The following GNL3L variants were observed in gnomAD, a reference collection of about 807,000 sequenced individuals.
The protein encoded by GNL3L is G protein nucleolar 3 like, also known as guanine nucleotide-binding protein-like 3-like protein.
A neutral mutation model predicts 42.9 loss-of-function variants in GNL3L; 4 were observed. That is an observed-to-expected ratio of 0.09 (90% CI 0.05 to 0.21). The LOEUF is 0.21. GNL3L is among the 10% of genes least tolerant of loss of function. The pLI is 1.00. For missense variants in GNL3L, 412 were observed against 481.7 expected (o/e 0.86, Z 1.36); for synonymous variants, 159 against 176.3 (o/e 0.90, Z 0.78).
intron 16 of GNL3L, among the ~76,000 whole-genome samples, chrX:54,580,699 G>A (rs1925703363): frequency 8.9e-6 from 1 of 112,092 alleles, no homozygotes; most frequent in Non-Finnish European, 1.9e-5. Flanking sequence ...ATTCTAACTG[G>A]TGTGAGATGG....
rs749290101 is a variant in GNL3L at position 54,551,558 on chromosome X, C to T, written c.864-10C>T. On this transcript the variant is annotated splice_polypyrimidine_tract_variant and intron_variant, in intron 10 of 15. Transcript: ENST00000360845. ...CAGGTACATCTGGGCTTTCTTCTTCCCCGCCCCAGATTCATGCAGGAGGTC... is the reference window on the plus strand; with the variant it reads ...CAGGTACATCTGGGCTTTCTTCTTCTCCGCCCCAGATTCATGCAGGAGGTC... The T allele has an allele frequency of 1.7e-6, 2 of 1,205,035 alleles. No homozygotes were observed. The highest frequency in any genetic ancestry group is 3.0e-5 in the East Asian group (1 of 33,762).
intron 14 of GNL3L, among the ~76,000 whole-genome samples, chrX:54,558,219 T>C (rs1925154657): frequency 9.0e-6 from 1 of 110,832 alleles, no homozygotes; most frequent in African/African-American, 3.3e-5. Flanking sequence ...CCATGCAAAC[T>C]ACCCCTTATC....
At chrX:54,612,040 A>G (rs1210260875) in intron 16 of GNL3L, among the ~76,000 whole-genome samples, 1 of 111,476 alleles carries the variant, frequency 9.0e-6, no homozygotes, top group Non-Finnish European at 1.9e-5. Flanking sequence ...CCCCACTATT[A>G]TTTGTTGCTG....
At chrX:54,582,899 C>T (rs769893631) in intron 16 of GNL3L, among the ~76,000 whole-genome samples, 40 of 112,111 alleles carry the variant, frequency 3.6e-4, no homozygotes, top group African/African-American at 1.2e-3. Context: ...TTGCATTTCT[C>T]TAATGGCTAA....
intron 2 of GNL3L, among the ~76,000 whole-genome samples, chrX:54,534,538 C>A (rs573757595): frequency 9.0e-5 from 10 of 111,265 alleles, no homozygotes; most frequent in African/African-American, 2.9e-4. Context: ...GAGGGATTAG[C>A]GAATACAGAG....
At chrX:54,552,176 A>T in intron 12 of GNL3L, 116 bp from the exon 13 acceptor site, 1 of 850,991 alleles carries the variant, frequency 1.2e-6, no homozygotes, top group Non-Finnish European at 1.7e-6. Context: ...TTCAGAAGCC[A>T]CTGTCTGGGT....
intron 9 of GNL3L, among the ~76,000 whole-genome samples, chrX:54,548,975 G>GC (rs1382676041): frequency 1.8e-5 from 2 of 111,005 alleles, no homozygotes; most frequent in Non-Finnish European, 3.8e-5. Context: ...AGAGGAGACA[G>GC]ATTTACATGA....
In GNL3L at chrX:54,580,836, A is replaced by C. The variant is rs1268388924; in HGVS notation, c.*45+20189A>C. Among the ~76,000 whole-genome samples the C allele has an allele frequency of 1.1e-4, 12 of 112,317 alleles. No individual in the cohort carries two copies. The Admixed American group carries it at 1.1e-3, about 11-fold the overall frequency. ...CACTCTGTCACCCAGGCTGGAGTGC[A>C]GTGGCACAATCTCGGCTCACTGCAA... is the stretch of plus-strand genomic sequence containing the variant. On this transcript the variant is annotated intron_variant, in intron 16 of 16. Transcript: ENST00000674498.
At chrX:54,570,903 C>T (rs1260353040), downstream of GNL3L, among the ~76,000 whole-genome samples, 1 of 111,451 alleles carries the variant, frequency 9.0e-6, no homozygotes, top group Non-Finnish European at 1.9e-5. Context: ...ATTATATACT[C>T]ACATAGTTAC....
chrX:54,540,475 G>T (rs1924576832), intron 4 of GNL3L, among the ~76,000 whole-genome samples: 1 of 111,792 alleles, frequency 8.9e-6, no homozygotes, highest in Admixed American at 9.5e-5. Context: ...GCCCCTGCTG[G>T]CCTCATCAGC....
the GNL3L span, among the ~76,000 whole-genome samples, chrX:54,630,715 T>C: frequency 1.4e-3 from 105 of 74,950 alleles, no homozygotes; most frequent in African/African-American, 8.2e-3. Flanking sequence ...TCTTTTTCTT[T>C]CTTTCTTTCT....
intron 16 of GNL3L, among the ~76,000 whole-genome samples, chrX:54,606,292 G>A (rs992085782): frequency 9.0e-6 from 1 of 111,296 alleles, no homozygotes; most frequent in Admixed American, 9.6e-5. Flanking sequence ...CTACAACATG[G>A]ATGAACCTCA....
chrX:54,539,073 A>G lies in GNL3L; in HGVS notation c.53A>G (p.His18Arg). The G allele has an allele frequency of 8.6e-7, 1 of 1,161,406 alleles. No individual in the cohort carries two copies. The highest frequency in any genetic ancestry group is 1.2e-6 in the Non-Finnish European group (1 of 855,027). Reference sequence around the variant, plus strand: ...AAGCCAGGTGAAGGTTCCAAGGGCCACAAGAAGATAAGTTGGCCCTACCCT... The same window carrying G: ...AAGCCAGGTGAAGGTTCCAAGGGCCGCAAGAAGATAAGTTGGCCCTACCCT... ...NKKPGEGSKG[H>R]KKISWPYPQP... is the part of the protein sequence containing the mutation. The change falls in exon 3 of 16, where the codon CAC (histidine) becomes CGC (arginine). Residue 18 changes from histidine (H) to arginine (R), a missense_variant. By Grantham distance (29) the His-to-Arg change is conservative. Transcript: ENST00000360845.
chrX:54,558,407 T>G, intron 14 of GNL3L, 29 bp from the exon 15 acceptor site: 1 of 1,047,455 alleles, frequency 9.5e-7, no homozygotes, highest in Non-Finnish European at 1.3e-6. Flanking sequence ...GGTTAAGACC[T>G]CATCGTTATG....
Position 54,566,691 on chromosome X carries a change from T to G in GNL3L, c.*6089T>G, listed in dbSNP as rs780742790. 1.5e-4 allele frequency among the ~76,000 whole-genome samples: 17 copies of G among 112,653 alleles called. No homozygotes were observed. Among genetic ancestry groups the G allele is most frequent in the Non-Finnish European group, 3.0e-4 (16 of 53,335 alleles). On this transcript the variant is annotated 3_prime_UTR_variant, in exon 16 of 16. Coordinates refer to ENST00000360845, the MANE Select transcript of GNL3L (RefSeq NM_001184819.2). ...ATTGTGTGTATATACCACATTTTATTTATCCATTCATCCACTGATGGACAT... is the reference window on the plus strand; with the variant it reads ...ATTGTGTGTATATACCACATTTTATGTATCCATTCATCCACTGATGGACAT...
At chrX:54,555,461 T>C (rs377765108) in intron 14 of GNL3L, among the ~76,000 whole-genome samples, 1 of 107,719 alleles carries the variant, frequency 9.3e-6, no homozygotes, top group East Asian at 2.9e-4. Flanking sequence ...TGTCCCAAGG[T>C]TTCTTTCTTT....
At chrX:54,531,527 C>T (rs747326482) in intron 1 of GNL3L, among the ~76,000 whole-genome samples, 106 of 110,998 alleles carry the variant, frequency 9.5e-4, no homozygotes, top group Non-Finnish European at 1.7e-3. Flanking sequence ...CCACACACCA[C>T]CCATGCAGAG....
At chrX:54,541,473 T>G in intron 5 of GNL3L, 84 bp downstream of exon 5, 1 of 579,544 alleles carries the variant, frequency 1.7e-6, no homozygotes. Context: ...AGGTGTGAAG[T>G]TGTTGGAGGG....
intron 16 of GNL3L, among the ~76,000 whole-genome samples, chrX:54,601,001 G>A (rs1424681404): frequency 8.9e-6 from 1 of 112,290 alleles, no homozygotes; most frequent in East Asian, 2.8e-4. Context: ...CCATACAATG[G>A]AATATTATTC....
Sources: allele counts gnomAD v4.1 joint callset (sites outside exome capture counted in the v4.1 genomes callset), GRCh38; gene constraint gnomAD v4.1.1; transcripts MANE v1.5; gene names NCBI Gene and HGNC (gene_info 2026-07-23, HGNC 2026-07-21).